GRIK2: variants seen among roughly 807,000 people sequenced by gnomAD.
GRIK2 encodes glutamate receptor ionotropic, kainate 2.
In GRIK2, 32 loss-of-function variants were observed where a neutral mutation model predicts 100.3. The observed-to-expected ratio is 0.32, with a 90% CI of 0.24 to 0.43. The LOEUF (loss-of-function observed/expected upper bound fraction) is 0.43, where lower values mean the gene tolerates loss of function less well. Among genes scored for constraint, GRIK2 ranks in the 20% least tolerant of loss-of-function variants. The probability of loss-of-function intolerance (pLI) is 1.00; values close to 1 mark genes in which losing one functional copy is unlikely to be tolerated. For synonymous variants in GRIK2, 417 were observed against 389.4 expected (o/e 1.07, Z -0.83); for missense variants, 843 against 1,114.9 (o/e 0.76, Z 3.47).
At chr6:101,916,490 A>C (rs1428695367) in intron 12 of GRIK2, among the ~76,000 whole-genome samples, 3 of 151,610 alleles carry the variant, frequency 2.0e-5, no homozygotes, top group Admixed American at 6.6e-5. Context: ...AGTAGGAAAA[A>C]CTAGAAATAG....
Position 101,472,407 on chromosome 6 carries a change from C to T in GRIK2, c.115+73015C>T, listed in dbSNP as rs1315018586. ...AATATCCAGAGTTATTTATTTTGAC[C>T]TCAGTATTTAATGTGGAGTCCTAAG... is the stretch of plus-strand genomic sequence containing the variant. On this transcript the variant is annotated intron_variant, in intron 2 of 16. Transcript: ENST00000369134. Among the ~76,000 whole-genome samples the T allele has an allele frequency of 2.0e-5, 3 of 151,750 alleles. No individual in the cohort carries two copies. In the East Asian group the frequency reaches 5.8e-4, roughly 29 times the overall value.
chr6:101,697,511 A>C (rs866249826), intron 7 of GRIK2, among the ~76,000 whole-genome samples: 1 of 151,906 alleles, frequency 6.6e-6, no homozygotes, highest in Admixed American at 6.6e-5. Context: ...CCTATTTAAC[A>C]GATATTTAAG....
chr6:102,051,658 A>C (rs1343219953), intron 15 of GRIK2, among the ~76,000 whole-genome samples: 1 of 152,134 alleles, frequency 6.6e-6, no homozygotes, highest in Non-Finnish European at 1.5e-5. Context: ...ATAGTCTCAC[A>C]AGGTTTTAGT....
At chr6:101,434,337 C>T (rs967676195) in intron 2 of GRIK2, among the ~76,000 whole-genome samples, 3 of 152,152 alleles carry the variant, frequency 2.0e-5, no homozygotes, top group Admixed American at 6.5e-5. Flanking sequence ...ATACAAGTCT[C>T]TCTCTTCTCA....
chr6:102,054,891 A>C (rs2114503271), intron 15 of GRIK2, among the ~76,000 whole-genome samples: 1 of 152,240 alleles, frequency 6.6e-6, no homozygotes, highest in South Asian at 2.1e-4. Flanking sequence ...ATTCCCTTAA[A>C]TTACTGCATT....
At chr6:101,626,256 T>C in intron 3 of GRIK2, 124 bp from the exon 4 acceptor site, 1 of 888,684 alleles carries the variant, frequency 1.1e-6, no homozygotes, top group Non-Finnish European at 1.7e-6. Flanking sequence ...AGTAGATATA[T>C]ATTTTTTAAA....
intron 1 of GRIK2, among the ~76,000 whole-genome samples, chr6:101,396,919 C>T (rs932614283): frequency 6.6e-6 from 1 of 152,116 alleles, no homozygotes; most frequent in Non-Finnish European, 1.5e-5. Context: ...TAAAAAAGTA[C>T]AATCTTTTAA....
intron 10 of GRIK2, among the ~76,000 whole-genome samples, chr6:101,837,629 T>G (rs1314964153): frequency 6.6e-6 from 1 of 152,198 alleles, no homozygotes; most frequent in Non-Finnish European, 1.5e-5. Context: ...TCTTCTAGAT[T>G]TCAACATAGT....
intron 2 of GRIK2, among the ~76,000 whole-genome samples, chr6:101,414,725 T>A (rs1704948761): frequency 6.6e-6 from 1 of 152,180 alleles, no homozygotes; most frequent in African/African-American, 2.4e-5. Context: ...GTTGCACACG[T>A]CATTTTACCT....
At chr6:101,657,108 T>C (rs1250428832) in intron 4 of GRIK2, among the ~76,000 whole-genome samples, 1 of 152,220 alleles carries the variant, frequency 6.6e-6, no homozygotes, top group African/African-American at 2.4e-5. Context: ...ATAAATGTTA[T>C]CTATGATTAT....
intron 5 of GRIK2, among the ~76,000 whole-genome samples, chr6:101,682,136 T>C (rs1051601221): frequency 1.3e-5 from 2 of 152,254 alleles, no homozygotes; most frequent in African/African-American, 2.4e-5. Context: ...TAAATGCCTG[T>C]TGGCATTGTG....
At chr6:101,727,637 G>A (rs1774966242) in intron 7 of GRIK2, among the ~76,000 whole-genome samples, 1 of 152,064 alleles carries the variant, frequency 6.6e-6, no homozygotes, top group Non-Finnish European at 1.5e-5. Context: ...GAAAAATGGA[G>A]TTATTTGAAA....
At chr6:101,721,372 T>C (rs1359123871) in intron 7 of GRIK2, among the ~76,000 whole-genome samples, 1 of 151,830 alleles carries the variant, frequency 6.6e-6, no homozygotes, top group African/African-American at 2.4e-5. Flanking sequence ...CTGGGCAACA[T>C]AGAGAGACTC....
At chr6:101,437,753 T>A (rs1413052341) in intron 2 of GRIK2, among the ~76,000 whole-genome samples, 1 of 152,074 alleles carries the variant, frequency 6.6e-6, no homozygotes, top group Non-Finnish European at 1.5e-5. Flanking sequence ...CTTCAGATCC[T>A]CGCCCGTAAA....
intron 16 of GRIK2, among the ~76,000 whole-genome samples, chr6:102,060,823 A>G (rs544580154): frequency 6.6e-6 from 1 of 150,762 alleles, no homozygotes; most frequent in South Asian, 2.1e-4. Context: ...ATTATATAAT[A>G]ATATCATATT....
At position 102,037,065 on chromosome 6, in the gene GRIK2, T is replaced by C. The variant is rs9498820; in HGVS notation, c.2311+1499T>C. On this transcript the variant is annotated intron_variant, in intron 15 of 16. Coordinates refer to ENST00000369134, the MANE Select transcript of GRIK2 (RefSeq NM_021956.5). ...ACCAAAAAATTTAATATTAAATAAATAATATTACATTTGGAAAATCATCTG... is the reference window on the plus strand; with the variant it reads ...ACCAAAAAATTTAATATTAAATAAACAATATTACATTTGGAAAATCATCTG... Among the ~76,000 whole-genome samples the C allele has an allele frequency of 3.0e-3, 457 of 151,334 alleles. 2 individuals are homozygous for C. The highest frequency in any genetic ancestry group is 0.011 in the African/African-American group (442 of 41,406).
intron 16 of GRIK2, chr6:102,065,701 A>G (rs896463086): frequency 2.9e-6 from 2 of 696,114 alleles, no homozygotes; most frequent in East Asian, 3.1e-5. Flanking sequence ...AAACGATTCA[A>G]TGTTACACGT....
intron 7 of GRIK2, among the ~76,000 whole-genome samples, chr6:101,707,590 G>GTATATA (rs1449124596): frequency 1.5e-5 from 2 of 129,492 alleles, no homozygotes; most frequent in African/African-American, 3.2e-5. Context: ...GTGTGTGTGT[G>GTATATA]TGTGTATATA....
At chr6:101,622,593 A>C (rs2128317137) in intron 3 of GRIK2, among the ~76,000 whole-genome samples, 1 of 152,156 alleles carries the variant, frequency 6.6e-6, no homozygotes, top group South Asian at 2.1e-4. Context: ...ATTTTAAACA[A>C]CCATTAGTTT....
Sources: gnomAD v4.1 joint callset for allele counts (sites outside exome capture counted in the v4.1 genomes callset) on GRCh38, gnomAD v4.1.1 for gene constraint, MANE v1.5 for transcripts, NCBI Gene and HGNC (gene_info 2026-07-23, HGNC 2026-07-21) for gene names.